PHF20: variants seen among roughly 807,000 people sequenced by gnomAD.
The protein encoded by PHF20 is glioma-expressed antigen 2.
PHF20 carries 23 observed loss-of-function variants against 113.5 expected under a neutral mutation model. The observed-to-expected ratio is 0.20, with a 90% confidence interval of 0.15 to 0.29. The LOEUF (loss-of-function observed/expected upper bound fraction) is 0.29, where lower values mean the gene tolerates loss of function less well. Ranked by LOEUF, PHF20 falls within the 10% of genes least tolerant of loss-of-function variation. The pLI is 1.00. For missense variants in PHF20, 943 were observed against 1,219.6 expected (o/e 0.77, Z 3.38); for synonymous variants, 434 against 457.3 (o/e 0.95, Z 0.65).
chr20:35,941,177 C>T (rs1284334230), intron 17 of PHF20, 130 bp downstream of exon 17: 1 of 643,074 alleles, frequency 1.6e-6, no homozygotes, highest in African/African-American at 1.9e-5. Flanking sequence ...TTTTCAGCCT[C>T]TCCCCACCTC....
chr20:35,891,292 G>A (rs185321517), intron 9 of PHF20, among the ~76,000 whole-genome samples: 6 of 151,206 alleles, frequency 4.0e-5, no homozygotes, highest in African/African-American at 9.7e-5. Flanking sequence ...CAGAAGAATC[G>A]CTTGAACCCA....
At chr20:35,867,029 A>G (rs1357678848) in intron 6 of PHF20, among the ~76,000 whole-genome samples, 1 of 152,320 alleles carries the variant, frequency 6.6e-6, no homozygotes, top group East Asian at 1.9e-4. Context: ...GATGACTTAT[A>G]CTGTAAGAAG....
intron 1 of PHF20, among the ~76,000 whole-genome samples, chr20:35,793,497 A>G (rs2041599479): frequency 2.7e-5 from 4 of 150,404 alleles, no homozygotes; most frequent in South Asian, 4.2e-4. Flanking sequence ...ACGGGGTTTC[A>G]CCATATTGGC....
At chr20:35,829,094 C>A (rs1450793188) in intron 2 of PHF20, among the ~76,000 whole-genome samples, 1 of 152,110 alleles carries the variant, frequency 6.6e-6, no homozygotes, top group Non-Finnish European at 1.5e-5. Context: ...GCCTCAGTTC[C>A]TTGTCATGTG....
At position 35,912,725 on chromosome 20, in the gene PHF20, T is replaced by A. The variant is rs566088505; in HGVS notation, c.1562-524T>A. Reference sequence around the variant, plus strand: ...CGTGTGTCTGTAGTCCCAGCTACTCTGGAGGCTGAGGCAGGAGAATCGCTT... The same window carrying A: ...CGTGTGTCTGTAGTCCCAGCTACTCAGGAGGCTGAGGCAGGAGAATCGCTT... On this transcript the variant is annotated intron_variant, in intron 10 of 17. Transcript: ENST00000374012. 1.1e-3 allele frequency among the ~76,000 whole-genome samples: 160 copies of A among 152,208 alleles called. 2 individuals carry two copies. The highest frequency in any genetic ancestry group is 1.2e-4 in the Non-Finnish European group (8 of 67,990).
At chr20:35,793,995 C>CAAAAAAAATAAAAAA (rs2041614660) in intron 1 of PHF20, among the ~76,000 whole-genome samples, 1 of 33,836 alleles carries the variant, frequency 3.0e-5, no homozygotes, top group African/African-American at 1.3e-4. Flanking sequence ...GACTCTGTCT[C>CAAAAAAAATAAAAAA]AAAAAAAAAA....
intron 1 of PHF20, among the ~76,000 whole-genome samples, chr20:35,797,513 CAA>C (rs1396205999): frequency 2.6e-4 from 21 of 80,960 alleles, no homozygotes; most frequent in East Asian, 3.7e-4. Flanking sequence ...GACCCTGTCT[CAA>C]AAAAAAAAAA....
intron 15 of PHF20, among the ~76,000 whole-genome samples, chr20:35,937,142 TAAGTTATTATCTAAAGAGTC>T (rs1327502281): frequency 1.3e-5 from 2 of 152,076 alleles, no homozygotes; most frequent in Non-Finnish European, 2.9e-5. Flanking sequence ...TTGAAAGAGT[TAAGTTATTATCTAAAGAGTC>T]AAGTTATTAT....
chr20:35,884,289 C>T (rs1426502364), intron 9 of PHF20, among the ~76,000 whole-genome samples: 3 of 152,148 alleles, frequency 2.0e-5, no homozygotes, highest in Non-Finnish European at 4.4e-5. Flanking sequence ...CATAGTCTTG[C>T]GTTTTTAAAC....
rs1339719988 is a variant in PHF20, at chr20:35,876,963, C to T, written c.1282+5134C>T. 8.6e-5 allele frequency among the ~76,000 whole-genome samples: 13 copies of T among 151,060 alleles called. No individual in the cohort carries two copies. In the East Asian group the frequency reaches 2.3e-3, roughly 27 times the overall value. On this transcript the variant is annotated intron_variant, in intron 9 of 17. Coordinates refer to ENST00000374012, the MANE Select transcript of PHF20 (RefSeq NM_016436.5). ...CTACTAAAAATACAAAAAAATTGGC[C>T]GGGCGTGGTGGCTGGCGCCTGTAGT...
chr20:35,821,007 TGA>T (rs2057013386), intron 2 of PHF20, among the ~76,000 whole-genome samples: 1 of 150,706 alleles, frequency 6.6e-6, no homozygotes, highest in African/African-American at 2.4e-5. Context: ...GGGTAGAGAG[TGA>T]GAGGCCAGAG....
chr20:35,948,106 A>ACCACCGAGATCTACAC lies in PHF20; in HGVS notation c.*479_*480insCCACCGAGATCTACAC. 6.1e-6 allele frequency: 1 copy of ACCACCGAGATCTACAC among 164,334 alleles called. No individual in the cohort carries two copies. Among genetic ancestry groups the ACCACCGAGATCTACAC allele is most frequent in the Admixed American group, 5.7e-5 (1 of 17,512 alleles). The allele number at this position is 164,334 out of a possible 1,614,324, so 10.2% of individuals were successfully genotyped here. ...TTTCTAGCTTCATAGGAATATTGTGAGCTCACCATGCTGTGGAGGTTGGGA... is the reference window on the plus strand; with the variant it reads ...TTTCTAGCTTCATAGGAATATTGTGACCACCGAGATCTACACGCTCACCATGCTGTGGAGGTTGGGA... On this transcript the variant is annotated 3_prime_UTR_variant, in exon 18 of 18. Coordinates refer to ENST00000374012, the MANE Select transcript of PHF20 (RefSeq NM_016436.5).
At position 35,845,754 on chromosome 20, in the gene PHF20, C is replaced by G. The variant is rs530634774; in HGVS notation, c.256-1596C>G. On this transcript the variant is annotated intron_variant, in intron 3 of 17. Coordinates refer to ENST00000374012, the MANE Select transcript of PHF20 (RefSeq NM_016436.5). The stretch of plus-strand genomic sequence containing the variant: ...CTGCTGCTTTTGGATCTGACTCAGA[C>G]TCAGCCCTGCCTTCTATTTTTCTTT... Among the ~76,000 whole-genome samples the G allele has an allele frequency of 4.6e-5, 7 of 151,536 alleles. No individual in the cohort carries two copies. In the East Asian group the frequency reaches 1.4e-3, roughly 29 times the overall value.
intron 2 of PHF20, among the ~76,000 whole-genome samples, chr20:35,825,533 A>G (rs558255583): frequency 2.0e-5 from 3 of 152,202 alleles, no homozygotes; most frequent in Non-Finnish European, 2.9e-5. Context: ...CACTGGGGTT[A>G]CAGGTGTAAG....
intron 1 of PHF20, among the ~76,000 whole-genome samples, chr20:35,791,537 G>GTGTATATATATA (rs372219422): frequency 8.6e-5 from 11 of 127,232 alleles, no homozygotes; most frequent in African/African-American, 3.3e-4. Context: ...TTAGAATAGT[G>GTGTATATATATA]TATATATATA....
chr20:35,873,466 G>GTTTTTTTTTT (rs759056358), intron 9 of PHF20, among the ~76,000 whole-genome samples: 1 of 82,408 alleles, frequency 1.2e-5, no homozygotes, highest in Non-Finnish European at 2.4e-5. Flanking sequence ...CTGTTTTTTT[G>GTTTTTTTTTT]TTTTTTTTTT....
chr20:35,843,239 G>T (rs900773453), intron 3 of PHF20, among the ~76,000 whole-genome samples: 8 of 151,708 alleles, frequency 5.3e-5, no homozygotes, highest in African/African-American at 1.9e-4. Context: ...GATCATTCTG[G>T]CCAGGCGTGG....
At position 35,820,002 on chromosome 20, in the gene PHF20, T is replaced by C. The variant is rs1028409308; in HGVS notation, c.83+18397T>C. ...TTATTCTACTTTATATATGAGGAAA[T>C]AGAAGCAGAAAGCAGTTAAGTTTTC... On this transcript the variant is annotated intron_variant, in intron 2 of 17. Coordinates refer to ENST00000374012, the MANE Select transcript of PHF20 (RefSeq NM_016436.5). Among the ~76,000 whole-genome samples, 6 of 152,148 alleles carry C rather than the reference T, an allele frequency of 3.9e-5. 1 individual carries two copies. The highest frequency in any genetic ancestry group is 1.4e-4 in the African/African-American group (6 of 41,428).
chr20:35,814,530 T>C (rs1471223054), intron 2 of PHF20, among the ~76,000 whole-genome samples: 2 of 150,852 alleles, frequency 1.3e-5, no homozygotes, highest in East Asian at 4.0e-4. Context: ...AATATTAAAT[T>C]TAAGTTGGAA....
Sources: gnomAD v4.1 joint callset for allele counts (sites outside exome capture counted in the v4.1 genomes callset) on GRCh38, gnomAD v4.1.1 for gene constraint, MANE v1.5 for transcripts, NCBI Gene and HGNC (gene_info 2026-07-23, HGNC 2026-07-21) for gene names.